CTNNA2: variants seen among roughly 807,000 people sequenced by gnomAD.
The protein encoded by CTNNA2 is catenin alpha-2.
Under a neutral mutation model 101.0 loss-of-function variants are expected in CTNNA2, and 42 were observed. The ratio of observed to expected loss-of-function variants is 0.42; its 90% CI spans 0.32 to 0.54. The LOEUF is 0.54. CTNNA2 is among the 20% of genes least tolerant of loss of function. CTNNA2 has a pLI of 0.14. For synonymous variants in CTNNA2, 450 were observed against 456.4 expected (o/e 0.99, Z 0.18); for missense variants, 871 against 1,223.1 (o/e 0.71, Z 4.29).
At chr2:79,497,130 A>G (rs1320164152) in intron 4 of CTNNA2, among the ~76,000 whole-genome samples, 4 of 152,228 alleles carry the variant, frequency 2.6e-5, no homozygotes, top group Non-Finnish European at 5.9e-5. Context: ...CCATAATTGG[A>G]AGCTCCGGCA....
At chr2:80,537,338 G>T (rs1012464642) in intron 9 of CTNNA2, among the ~76,000 whole-genome samples, 8 of 152,112 alleles carry the variant, frequency 5.3e-5, no homozygotes, top group Non-Finnish European at 1.2e-4. Context: ...ATGGACATTT[G>T]GTTGGTACTA....
chr2:80,191,212 G>A (rs1347992474), intron 7 of CTNNA2, among the ~76,000 whole-genome samples: 2 of 152,146 alleles, frequency 1.3e-5, no homozygotes, highest in African/African-American at 4.8e-5. Flanking sequence ...GGAAGACAAA[G>A]CCATAAGACA....
intron 2 of CTNNA2, among the ~76,000 whole-genome samples, chr2:79,208,100 T>TGCAGATGAC (rs1482210166): frequency 8.5e-5 from 13 of 152,284 alleles, no homozygotes; most frequent in African/African-American, 3.1e-4. Flanking sequence ...TTACAGATGA[T>TGCAGATGAC]GCAGATGACT....
intron 12 of CTNNA2, among the ~76,000 whole-genome samples, chr2:80,569,103 A>G (rs1448031717): frequency 6.6e-6 from 1 of 152,122 alleles, no homozygotes; most frequent in Non-Finnish European, 1.5e-5. Context: ...CTATTTGAAT[A>G]TTTAACACAA....
At chr2:80,598,219 A>G (rs922987065) in intron 15 of CTNNA2, among the ~76,000 whole-genome samples, 10 of 152,052 alleles carry the variant, frequency 6.6e-5, no homozygotes, top group Non-Finnish European at 8.8e-5. Flanking sequence ...AAAAAACACC[A>G]CATGTTCTCA....
At chr2:80,547,835 G>A (rs1036503454) in intron 11 of CTNNA2, among the ~76,000 whole-genome samples, 4 of 151,804 alleles carry the variant, frequency 2.6e-5, no homozygotes, top group Admixed American at 2.0e-4. Context: ...GATTACAGGC[G>A]TGAGCCACTA....
At chr2:79,333,701 T>C (rs1676928331) in intron 3 of CTNNA2, among the ~76,000 whole-genome samples, 2 of 152,078 alleles carry the variant, frequency 1.3e-5, no homozygotes, top group African/African-American at 4.8e-5. Flanking sequence ...TATAGGTTTA[T>C]CAATACAGAA....
intron 7 of CTNNA2, chr2:80,288,202 C>T (rs888353905): frequency 2.0e-5 from 3 of 152,082 alleles, no homozygotes; most frequent in Non-Finnish European, 2.9e-5. Flanking sequence ...GGATTGAAAA[C>T]CTCCAAGCGA....
chr2:80,009,818 T>G (rs565153653), intron 7 of CTNNA2, among the ~76,000 whole-genome samples: 3 of 152,140 alleles, frequency 2.0e-5, no homozygotes, highest in Non-Finnish European at 2.9e-5. Context: ...ATTTACAGTC[T>G]AACTTCTTAA....
At chr2:79,386,890 T>G (rs1340572807) in intron 4 of CTNNA2, among the ~76,000 whole-genome samples, 5 of 152,170 alleles carry the variant, frequency 3.3e-5, no homozygotes, top group Non-Finnish European at 7.3e-5. Flanking sequence ...TATCTAAGTA[T>G]TATTATTTGC....
chr2:79,427,130 TAACAC>T (rs1160978810), intron 4 of CTNNA2, among the ~76,000 whole-genome samples: 1 of 152,016 alleles, frequency 6.6e-6, no homozygotes, highest in African/African-American at 2.4e-5. Context: ...CAGGTTGCAA[TAACAC>T]CTGCTATAAG....
rs141411582 is a variant in CTNNA2, at chr2:79,589,935, C to T, written c.-5-61617C>T. Among the ~76,000 whole-genome samples the T allele has an allele frequency of 7.5e-3, 1,149 of 152,314 alleles. 6 individuals are homozygous for T. The highest frequency in any genetic ancestry group is 0.011 in the Non-Finnish European group (743 of 68,030). ...TAAAAAGCAAAGCTTGGAGCTCCCT[C>T]TTCTAGGTATACACAATCAAAGTCA... On this transcript the variant is annotated intron_variant, in intron 1 of 18. Coordinates refer to ENST00000402739, the MANE Select transcript of CTNNA2 (RefSeq NM_001282597.3).
intron 7 of CTNNA2, among the ~76,000 whole-genome samples, chr2:80,334,183 C>A (rs1323584852): frequency 6.6e-6 from 1 of 152,244 alleles, no homozygotes; most frequent in Non-Finnish European, 1.5e-5. Flanking sequence ...CCACTGTTAT[C>A]TCTGGCCTGG....
At chr2:79,552,478 G>A (rs1267089824) in intron 1 of CTNNA2, among the ~76,000 whole-genome samples, 3 of 152,134 alleles carry the variant, frequency 2.0e-5, no homozygotes, top group Non-Finnish European at 4.4e-5. Context: ...TCTTCTCACA[G>A]CTCCACTAGG....
chr2:79,627,369 T>A (rs1679387506), intron 1 of CTNNA2, among the ~76,000 whole-genome samples: 1 of 152,230 alleles, frequency 6.6e-6, no homozygotes, highest in African/African-American at 2.4e-5. Flanking sequence ...GGGGTTGGCA[T>A]CCATGTTCTC....
intron 7 of CTNNA2, among the ~76,000 whole-genome samples, chr2:80,073,200 A>G (rs1698456618): frequency 6.6e-6 from 1 of 152,172 alleles, no homozygotes; most frequent in Admixed American, 6.5e-5. Context: ...AAGGAGTTCA[A>G]AGGATTTGGG....
At chr2:80,637,702 T>C (rs1226128139) in intron 18 of CTNNA2, among the ~76,000 whole-genome samples, 1 of 151,980 alleles carries the variant, frequency 6.6e-6, no homozygotes, top group African/African-American at 2.4e-5. Flanking sequence ...CCCCAACATA[T>C]GAATAATGCC....
intron 7 of CTNNA2, among the ~76,000 whole-genome samples, chr2:80,251,228 C>T (rs562656133): frequency 6.3e-4 from 96 of 152,222 alleles, no homozygotes; most frequent in African/African-American, 2.2e-3. Context: ...CAACTACGTC[C>T]GGCACCCGGC....
chr2:80,471,793 A>G (rs529704658), intron 9 of CTNNA2, among the ~76,000 whole-genome samples: 2 of 150,198 alleles, frequency 1.3e-5, no homozygotes, highest in Admixed American at 1.3e-4. Context: ...TGTTGGCGGG[A>G]AAGTGGTCCT....
Sources: allele counts gnomAD v4.1 joint callset (sites outside exome capture counted in the v4.1 genomes callset), GRCh38; gene constraint gnomAD v4.1.1; transcripts MANE v1.5; gene names NCBI Gene and HGNC (gene_info 2026-07-23, HGNC 2026-07-21).